THSD7B: variants seen among roughly 807,000 people sequenced by gnomAD.
THSD7B encodes the protein thrombospondin type-1 domain-containing protein 7B.
A neutral mutation model predicts 213.6 loss-of-function variants in THSD7B; 138 were observed. The observed-to-expected ratio is 0.65, with a 90% CI of 0.56 to 0.74. The LOEUF (loss-of-function observed/expected upper bound fraction) is 0.74. Among genes scored for constraint, THSD7B ranks in the 30% least tolerant of loss-of-function variants. The pLI is 0.00. For synonymous variants in THSD7B, 742 were observed against 687.0 expected (o/e 1.08, Z -1.25); for missense variants, 1,931 against 1,991.5 (o/e 0.97, Z 0.58).
intron 1 of THSD7B, 64 bp from the exon 2 acceptor site, chr2:136,882,080 C>A: frequency 7.8e-7 from 1 of 1,289,160 alleles, no homozygotes; most frequent in Non-Finnish European, 1.0e-6. Context: ...TTCTAGCAGT[C>A]AAAATGAGTT....
At chr2:137,610,465 C>A (rs1030966165) in intron 17 of THSD7B, among the ~76,000 whole-genome samples, 1 of 152,074 alleles carries the variant, frequency 6.6e-6, no homozygotes, top group Non-Finnish European at 1.5e-5. Flanking sequence ...GCTGGAGTAC[C>A]CCCTTCGGTT....
At chr2:137,342,365 T>C (rs769755792) in intron 12 of THSD7B, among the ~76,000 whole-genome samples, 1 of 147,042 alleles carries the variant, frequency 6.8e-6, no homozygotes, top group Non-Finnish European at 1.5e-5. Flanking sequence ...TCCTGAAACT[T>C]TTTGTATTTG....
At chr2:137,068,846 A>G (rs1217910920) in intron 3 of THSD7B, among the ~76,000 whole-genome samples, 1 of 152,018 alleles carries the variant, frequency 6.6e-6, no homozygotes, top group Non-Finnish European at 1.5e-5. Context: ...GTCATTTGGA[A>G]CAGGAAGAGC....
At chr2:137,304,645 T>C (rs1438005660) in intron 12 of THSD7B, among the ~76,000 whole-genome samples, 1 of 152,106 alleles carries the variant, frequency 6.6e-6, no homozygotes, top group African/African-American at 2.4e-5. Context: ...CACTGGTATA[T>C]GTATGCTATT....
intron 6 of THSD7B, among the ~76,000 whole-genome samples, chr2:137,162,646 A>G (rs1680040925): frequency 6.6e-6 from 1 of 152,120 alleles, no homozygotes; most frequent in African/African-American, 2.4e-5. Flanking sequence ...TGGATTCTCT[A>G]TGGCAATTCA....
intron 1 of THSD7B, among the ~76,000 whole-genome samples, chr2:136,791,427 A>G (rs1681962216): frequency 1.3e-5 from 2 of 151,996 alleles, no homozygotes; most frequent in South Asian, 4.1e-4. Flanking sequence ...AATGGTGTTT[A>G]GTATATATAT....
intron 21 of THSD7B, among the ~76,000 whole-genome samples, chr2:137,655,156 A>G (rs541549958): frequency 4.0e-4 from 61 of 152,348 alleles, no homozygotes; most frequent in African/African-American, 1.4e-3. Flanking sequence ...GTAACTTTAT[A>G]TGTTCTCATT....
At chr2:137,017,575 A>T (rs1321023802) in intron 2 of THSD7B, among the ~76,000 whole-genome samples, 4 of 152,148 alleles carry the variant, frequency 2.6e-5, no homozygotes, top group Non-Finnish European at 5.9e-5. Flanking sequence ...TGGAAATGGC[A>T]AATACAGATG....
intron 12 of THSD7B, among the ~76,000 whole-genome samples, chr2:137,281,690 G>A (rs1239753422): frequency 6.6e-6 from 1 of 151,984 alleles, no homozygotes; most frequent in African/African-American, 2.4e-5. Flanking sequence ...TGCTGAGAAT[G>A]ATGGTTTCCA....
At chr2:137,151,291 CT>C (rs1188314266) in intron 5 of THSD7B, among the ~76,000 whole-genome samples, 26 of 152,148 alleles carry the variant, frequency 1.7e-4, no homozygotes, top group African/African-American at 5.5e-4. Flanking sequence ...TTTCTGTAAG[CT>C]TTTTTCCATT....
intron 2 of THSD7B, among the ~76,000 whole-genome samples, chr2:136,931,413 C>T (rs575991873): frequency 2.0e-5 from 3 of 152,274 alleles, no homozygotes; most frequent in Non-Finnish European, 2.9e-5. Context: ...TTGTTTGGTT[C>T]CAAACCAGTG....
intron 12 of THSD7B, among the ~76,000 whole-genome samples, chr2:137,382,082 G>T (rs1172644147): frequency 6.6e-6 from 1 of 152,124 alleles, no homozygotes; most frequent in African/African-American, 2.4e-5. Context: ...ACCACTTGAC[G>T]ATTGAATTGG....
chr2:137,236,582 G>A (rs17418745), intron 9 of THSD7B, among the ~76,000 whole-genome samples: 42,350 of 152,098 alleles, frequency 0.28, 6,606 homozygotes, highest in Non-Finnish European at 0.35. Flanking sequence ...GCCTTTCAAA[G>A]TTCCTGATAA....
chr2:137,676,489 C>A (rs992929010), intron 27 of THSD7B, 35 bp from the exon 28 acceptor site: 23 of 1,542,220 alleles, frequency 1.5e-5, no homozygotes, highest in Admixed American at 2.2e-5. Context: ...GCTCTATGAA[C>A]TTACTTGATC....
chr2:136,794,059 G>C (rs566896865), intron 1 of THSD7B, among the ~76,000 whole-genome samples: 1 of 150,018 alleles, frequency 6.7e-6, no homozygotes, highest in Non-Finnish European at 1.5e-5. Context: ...ATCTGTTTCC[G>C]TGTGGTGATG....
Position 137,189,912 on chromosome 2 carries a change from C to G in THSD7B, c.1723+18974C>G, listed in dbSNP as rs114923596. On this transcript the variant is annotated intron_variant, in intron 7 of 27. Transcript: ENST00000409968. ...AAACTGTCTTAATAAGTCTAAATTG[C>G]CTTCCATTCCTAGCACATTGTTAGA... is the stretch of plus-strand genomic sequence containing the variant. Among the ~76,000 whole-genome samples, 440 of 152,122 alleles carry G rather than the reference C, an allele frequency of 2.9e-3. 6 individuals carry two copies. Among genetic ancestry groups the G allele is most frequent in the African/African-American group, 9.8e-3 (407 of 41,518 alleles).
intron 2 of THSD7B, among the ~76,000 whole-genome samples, chr2:136,898,925 GCCA>G: frequency 6.6e-6 from 1 of 152,096 alleles, no homozygotes; most frequent in African/African-American, 2.4e-5. Context: ...ACAGGTGTGA[GCCA>G]CTGTGCCCGA....
chr2:137,552,024 A>G (rs1235862332), intron 15 of THSD7B, among the ~76,000 whole-genome samples: 3 of 152,168 alleles, frequency 2.0e-5, no homozygotes, highest in Non-Finnish European at 4.4e-5. Context: ...CAATTCAAAA[A>G]TGTCTCTGGA....
At chr2:137,662,568 A>G (rs948778003) in intron 25 of THSD7B, among the ~76,000 whole-genome samples, 9 of 152,072 alleles carry the variant, frequency 5.9e-5, no homozygotes, top group African/African-American at 1.4e-4. Flanking sequence ...TTAGTGGTCA[A>G]TGGTAAAAGG....
Sources: gnomAD v4.1 joint callset for allele counts (sites outside exome capture counted in the v4.1 genomes callset) on GRCh38, gnomAD v4.1.1 for gene constraint, MANE v1.5 for transcripts, NCBI Gene and HGNC (gene_info 2026-07-23, HGNC 2026-07-21) for gene names.